Variants in SORCS3 observed in about 807,000 individuals in gnomAD.
SORCS3 encodes VPS10 domain-containing receptor SorCS3.
In SORCS3, 57 loss-of-function variants were observed where a neutral mutation model predicts 146.3. That is an observed-to-expected ratio of 0.39 (90% CI 0.31 to 0.49). The LOEUF (loss-of-function observed/expected upper bound fraction) is 0.49. Among genes scored for constraint, SORCS3 ranks in the 20% least tolerant of loss-of-function variants. SORCS3 has a pLI of 0.92. For synonymous variants in SORCS3, 653 were observed against 618.5 expected, an observed-to-expected ratio of 1.06 and a Z score of -0.83; for missense variants, 1,341 against 1,575.5, an observed-to-expected ratio of 0.85 and a Z score of 2.52.
intron 6 of SORCS3, 33 bp downstream of exon 6, chr10:105,089,872 G>A (rs766972085): frequency 6.3e-7 from 1 of 1,576,094 alleles, no homozygotes; most frequent in Non-Finnish European, 8.7e-7. Flanking sequence ...TAGGCCCAGG[G>A]AGATCTGCCT....
At chr10:104,662,574 C>A (rs893442390) in intron 1 of SORCS3, among the ~76,000 whole-genome samples, 3 of 152,216 alleles carry the variant, frequency 2.0e-5, no homozygotes, top group Admixed American at 6.5e-5. Context: ...GCCAGGGAAG[C>A]AAGGCCTCAG....
In SORCS3 at chr10:104,890,334, C is replaced by A. The variant is rs192778910; in HGVS notation, c.696-25499C>A. ...TCCTGCAGCACACTGATTTTCTGTT[C>A]ATTTTTTCCTCAGTTTTTTTTTGTG... On this transcript the variant is annotated intron_variant, in intron 2 of 26. Coordinates refer to ENST00000369701, the MANE Select transcript of SORCS3 (RefSeq NM_014978.3). 1.0e-3 allele frequency among the ~76,000 whole-genome samples: 155 copies of A among 152,110 alleles called. 1 individual carries two copies. In the South Asian group the frequency reaches 0.019, roughly 18 times the overall value.
At chr10:104,848,980 C>T (rs1165290633) in intron 2 of SORCS3, among the ~76,000 whole-genome samples, 1 of 152,166 alleles carries the variant, frequency 6.6e-6, no homozygotes, top group African/African-American at 2.4e-5. Flanking sequence ...TTTATTATTA[C>T]CACCCCACTT....
At chr10:104,959,793 C>A (rs2054782354) in intron 3 of SORCS3, among the ~76,000 whole-genome samples, 2 of 152,144 alleles carry the variant, frequency 1.3e-5, no homozygotes, top group South Asian at 4.1e-4. Context: ...AAAGCACAGA[C>A]CAACCAAGTG....
At chr10:105,245,734 C>T in intron 21 of SORCS3, 69 bp downstream of exon 21, 2 of 1,542,138 alleles carry the variant, frequency 1.3e-6, no homozygotes, top group Middle Eastern at 1.7e-4. Flanking sequence ...ACTCTCCCTA[C>T]AATCATTGAG....
intron 7 of SORCS3, among the ~76,000 whole-genome samples, chr10:105,129,279 T>C (rs1343716383): frequency 6.6e-6 from 1 of 151,850 alleles, no homozygotes; most frequent in African/African-American, 2.4e-5. Flanking sequence ...TGCAATATCT[T>C]CTTTAACCTC....
intron 14 of SORCS3, among the ~76,000 whole-genome samples, chr10:105,179,896 A>G (rs754998560): frequency 1.3e-5 from 2 of 152,136 alleles, no homozygotes; most frequent in African/African-American, 2.4e-5. Flanking sequence ...TGAATTGAAA[A>G]CTTATTAATA....
At chr10:105,035,641 T>C (rs1026169713) in intron 4 of SORCS3, among the ~76,000 whole-genome samples, 2 of 152,030 alleles carry the variant, frequency 1.3e-5, no homozygotes, top group African/African-American at 4.8e-5. Context: ...CTAATTTTTG[T>C]ATTTTTAGTA....
At chr10:105,139,348 C>A (rs893473556) in intron 7 of SORCS3, 49 bp from the exon 8 acceptor site, 19 of 1,378,058 alleles carry the variant, frequency 1.4e-5, no homozygotes, top group Non-Finnish European at 2.0e-5. Flanking sequence ...CCAACTTGTG[C>A]ATGATCTGTG....
chr10:105,052,322 G>A (rs910909734), intron 5 of SORCS3, among the ~76,000 whole-genome samples: 1 of 138,396 alleles, frequency 7.2e-6, no homozygotes, highest in Non-Finnish European at 1.7e-5. Flanking sequence ...CGGAAACACT[G>A]TTGTTTTCTC....
chr10:104,934,853 G>A (rs1475498893), intron 3 of SORCS3, among the ~76,000 whole-genome samples: 1 of 152,206 alleles, frequency 6.6e-6, no homozygotes. Flanking sequence ...AACAGTCAAG[G>A]CTGGGAAGGG....
chr10:104,644,387 C>T (rs761303187), intron 1 of SORCS3, among the ~76,000 whole-genome samples: 2 of 152,202 alleles, frequency 1.3e-5, no homozygotes, highest in African/African-American at 2.4e-5. Flanking sequence ...GTCTGTGAGC[C>T]TGTGTAAAGA....
At chr10:104,929,471 C>T (rs538183840) in intron 3 of SORCS3, among the ~76,000 whole-genome samples, 34 of 152,302 alleles carry the variant, frequency 2.2e-4, no homozygotes, top group African/African-American at 7.9e-4. Context: ...TAACAAACTC[C>T]TCCTGCATCC....
In SORCS3 at chr10:105,256,850, C is replaced by G. The variant is rs753328864; in HGVS notation, c.3369C>G (p.Ser1123Arg). Residue 1123 changes from serine (S) to arginine (R), a missense_variant, in exon 25 of 27, where the codon AGC (serine) becomes AGG (arginine). Physicochemically the swap from Ser to Arg is moderately radical, Grantham distance 110. Coordinates refer to ENST00000369701, the MANE Select transcript of SORCS3 (RefSeq NM_014978.3). ...APLVDSSAGHSSSAMLMLLSV... is the reference protein window; with the variant it reads ...APLVDSSAGHRSSAMLMLLSV... ...TGGTGGACTCCAGTGCTGGGCACAGCAGCTCAGCCATGCTTATGCTATTAT... is the reference window on the plus strand; with the variant it reads ...TGGTGGACTCCAGTGCTGGGCACAGGAGCTCAGCCATGCTTATGCTATTAT... The G allele has an allele frequency of 1.2e-5, 20 of 1,614,082 alleles. No homozygotes were observed. Among genetic ancestry groups the G allele is most frequent in the Non-Finnish European group, 1.7e-5 (20 of 1,179,932 alleles).
At chr10:104,997,176 G>C (rs944197051) in intron 4 of SORCS3, among the ~76,000 whole-genome samples, 6 of 152,114 alleles carry the variant, frequency 3.9e-5, no homozygotes, top group African/African-American at 1.4e-4. Context: ...GTATTTGGGT[G>C]CTAATCTGGG....
chr10:105,029,803 A>T (rs1294968431), intron 4 of SORCS3, among the ~76,000 whole-genome samples: 1 of 152,188 alleles, frequency 6.6e-6, no homozygotes, highest in African/African-American at 2.4e-5. Flanking sequence ...AGACAGGGGG[A>T]TAAACTTAGT....
intron 2 of SORCS3, among the ~76,000 whole-genome samples, chr10:104,869,233 T>C (rs559680731): frequency 3.9e-5 from 6 of 152,138 alleles, no homozygotes; most frequent in East Asian, 1.9e-4. Flanking sequence ...TTTTAGAGGC[T>C]GAAAAGTTTC....
chr10:104,977,755 CAG>C (rs1241829359), intron 4 of SORCS3, among the ~76,000 whole-genome samples: 28 of 124,748 alleles, frequency 2.2e-4, no homozygotes, highest in Admixed American at 6.4e-4. Context: ...TTTTTTGACA[CAG>C]AGTCTCGCTC....
chr10:104,652,127 C>A (rs901657902), intron 1 of SORCS3, among the ~76,000 whole-genome samples: 1 of 151,212 alleles, frequency 6.6e-6, no homozygotes, highest in Non-Finnish European at 1.5e-5. Flanking sequence ...AAGGAGAGAG[C>A]CTGCAAGTAT....
Sources: gnomAD v4.1 joint callset for allele counts (sites outside exome capture counted in the v4.1 genomes callset) on GRCh38, gnomAD v4.1.1 for gene constraint, MANE v1.5 for transcripts, NCBI Gene and HGNC (gene_info 2026-07-23, HGNC 2026-07-21) for gene names.